KIAA1958: variants seen among roughly 807,000 people sequenced by gnomAD.
The protein encoded by KIAA1958 is KIAA1958.
Under a neutral mutation model 47.2 loss-of-function variants are expected in KIAA1958, and 14 were observed. The observed-to-expected ratio is 0.30, with a 90% CI of 0.20 to 0.46. The LOEUF (loss-of-function observed/expected upper bound fraction) is 0.46. KIAA1958 is among the 20% of genes least tolerant of loss of function. KIAA1958 has a pLI of 1.00. For synonymous variants in KIAA1958, 354 were observed against 353.3 expected (o/e 1.00, Z -0.02); for missense variants, 803 against 909.2 (o/e 0.88, Z 1.50).
At chr9:112,651,698 A>G (rs2131248126) in intron 3 of KIAA1958, among the ~76,000 whole-genome samples, 1 of 151,376 alleles carries the variant, frequency 6.6e-6, no homozygotes, top group South Asian at 2.1e-4. Context: ...GCCTGGCCAA[A>G]TTAAATTATA....
intron 2 of KIAA1958, among the ~76,000 whole-genome samples, chr9:112,609,150 C>G (rs1290951035): frequency 6.6e-6 from 1 of 152,170 alleles, no homozygotes; most frequent in African/African-American, 2.4e-5. Context: ...TCACATATAT[C>G]TTATGTGTAT....
At chr9:112,639,403 A>G (rs1836858587) in intron 2 of KIAA1958, among the ~76,000 whole-genome samples, 1 of 152,056 alleles carries the variant, frequency 6.6e-6, no homozygotes, top group Non-Finnish European at 1.5e-5. Context: ...TCCTTACTCC[A>G]TTCAACCTTT....
chr9:112,496,161 C>T (rs1310852906), intron 1 of KIAA1958, among the ~76,000 whole-genome samples: 2 of 152,162 alleles, frequency 1.3e-5, no homozygotes, highest in Non-Finnish European at 2.9e-5. Context: ...ATTTGTTATA[C>T]AGCAATATTA....
chr9:112,631,549 A>G (rs1401926940), intron 2 of KIAA1958, among the ~76,000 whole-genome samples: 1 of 151,606 alleles, frequency 6.6e-6, no homozygotes, highest in Non-Finnish European at 1.5e-5. Context: ...AAAAAAAAAA[A>G]AAAAAAAGGA....
intron 2 of KIAA1958, among the ~76,000 whole-genome samples, chr9:112,632,807 AATC>A (rs1836734106): frequency 6.6e-6 from 1 of 151,916 alleles, no homozygotes; most frequent in South Asian, 2.1e-4. Context: ...TTTCGCATGT[AATC>A]ATCTATATTT....
rs765880603 is a variant in KIAA1958, at chr9:112,659,278, T to C, written c.1360T>C (p.Leu454=). ...TDITKIPAVK[L]NELLENFYVT... ...CTCATTTGAGATCCCTGCAGTGAAG[T>C]TGAACGAGCTGCTCGAGAACTTTTA... The change falls in exon 4 of 4, where the codon TTG becomes CTG. Residue 454 remains leucine, a synonymous_variant. Coordinates refer to ENST00000337530, the MANE Select transcript of KIAA1958 (RefSeq NM_133465.4). 12 of 1,612,320 alleles carry C rather than the reference T, an allele frequency of 7.4e-6. No homozygotes were observed. The Admixed American group carries it at 1.8e-4, about 25-fold the overall frequency.
chr9:112,566,095 G>A (rs1048622389), intron 1 of KIAA1958, among the ~76,000 whole-genome samples: 2 of 151,952 alleles, frequency 1.3e-5, no homozygotes, highest in Non-Finnish European at 2.9e-5. Context: ...AGTAGAGACG[G>A]GGTTTCACCA....
At chr9:112,630,458 C>A (rs1260153515) in intron 2 of KIAA1958, among the ~76,000 whole-genome samples, 1 of 152,040 alleles carries the variant, frequency 6.6e-6, no homozygotes, top group Non-Finnish European at 1.5e-5. Flanking sequence ...CCAGCCTGGA[C>A]AACAAAGGGA....
chr9:112,664,240 C>G lies in KIAA1958; in HGVS notation c.*4171C>G, dbSNP rs956498889. ...ACTTTCCTTTAATTTTCAAGTTCCA[C>G]AACTTCTAAAATTATTTTGCTATCT... is the stretch of plus-strand genomic sequence containing the variant. On this transcript the variant is annotated 3_prime_UTR_variant, in exon 4 of 4. Transcript: ENST00000337530. The G allele has an allele frequency of 4.6e-5, 7 of 152,244 alleles. No individual in the cohort carries two copies. The highest frequency in any genetic ancestry group is 1.7e-4 in the African/African-American group (7 of 41,474). The allele number at this position is 152,244 out of a possible 1,614,324, so 9.4% of individuals were successfully genotyped here.
intron 1 of KIAA1958, among the ~76,000 whole-genome samples, chr9:112,556,058 GA>G (rs1302303996): frequency 3.3e-5 from 5 of 152,082 alleles, no homozygotes; most frequent in African/African-American, 1.2e-4. Flanking sequence ...CAGCCTGGGG[GA>G]CAAGAGTGAA....
chr9:112,647,170 CAA>C (rs202239882), intron 3 of KIAA1958, among the ~76,000 whole-genome samples: 2 of 134,376 alleles, frequency 1.5e-5, no homozygotes, highest in Non-Finnish European at 1.6e-5. Context: ...TCCATGGGAC[CAA>C]AAAAAAAAAA....
At chr9:112,487,647 C>A (rs575741215) in intron 1 of KIAA1958, among the ~76,000 whole-genome samples, 1 of 152,114 alleles carries the variant, frequency 6.6e-6, no homozygotes, top group Non-Finnish European at 1.5e-5. Context: ...TGTGAAGGAA[C>A]GTGCATGGCT....
Position 112,666,631 on chromosome 9 carries a change from T to C in KIAA1958, c.*6562T>C, listed in dbSNP as rs968771882. On this transcript the variant is annotated 3_prime_UTR_variant, in exon 4 of 4. Coordinates refer to ENST00000337530, the MANE Select transcript of KIAA1958 (RefSeq NM_133465.4). The stretch of plus-strand genomic sequence containing the variant: ...CTCAATTCTAGAATCTAGAAGGAAT[T>C]GATGTAATTTATGAGGCATATGGAG... 4 of 152,156 alleles carry C rather than the reference T, an allele frequency of 2.6e-5. No individual in the cohort carries two copies. The highest frequency in any genetic ancestry group is 9.7e-5 in the African/African-American group (4 of 41,444). 9.4% of individuals were successfully genotyped at this position (152,156 alleles called of 1,614,324 possible).
intron 2 of KIAA1958, among the ~76,000 whole-genome samples, chr9:112,610,836 G>T (rs1022743481): frequency 6.6e-6 from 1 of 152,102 alleles, no homozygotes; most frequent in South Asian, 2.1e-4. Flanking sequence ...TACCAGTGCA[G>T]AAATACTAAA....
At chr9:112,611,755 A>C (rs1836331590) in intron 2 of KIAA1958, among the ~76,000 whole-genome samples, 5 of 152,122 alleles carry the variant, frequency 3.3e-5, no homozygotes, top group Non-Finnish European at 1.5e-5. Context: ...TTTGTTATAC[A>C]AAAGTTTTAA....
intron 2 of KIAA1958, among the ~76,000 whole-genome samples, chr9:112,593,352 C>A (rs891724746): frequency 6.6e-6 from 1 of 152,118 alleles, no homozygotes; most frequent in Non-Finnish European, 1.5e-5. Flanking sequence ...CGGCCACGAA[C>A]TAAAAGGCCA....
chr9:112,492,873 C>T (rs940084422), intron 1 of KIAA1958, among the ~76,000 whole-genome samples: 1 of 150,324 alleles, frequency 6.7e-6, no homozygotes, highest in Non-Finnish European at 1.5e-5. Context: ...CCTCAGCCTT[C>T]TGAGTAGCTG....
At chr9:112,592,104 G>A (rs146236808) in intron 2 of KIAA1958, among the ~76,000 whole-genome samples, 67 of 152,320 alleles carry the variant, frequency 4.4e-4, no homozygotes, top group South Asian at 1.2e-3. Context: ...GGCAGAGCAG[G>A]TAGCAGGTAA....
chr9:112,538,351 CAAAAAAAA>C (rs966280453), intron 1 of KIAA1958, among the ~76,000 whole-genome samples: 1 of 147,206 alleles, frequency 6.8e-6, no homozygotes, highest in Non-Finnish European at 1.5e-5. Flanking sequence ...GACCCTGTCT[CAAAAAAAA>C]GAAAGAAAGA....
Sources: allele counts gnomAD v4.1 joint callset (sites outside exome capture counted in the v4.1 genomes callset), GRCh38; gene constraint gnomAD v4.1.1; transcripts MANE v1.5; gene names NCBI Gene and HGNC (gene_info 2026-07-23, HGNC 2026-07-21).